The following QPCT variants were observed in gnomAD, a reference collection of about 807,000 sequenced individuals.
QPCT encodes the protein glutaminyl-peptide cyclotransferase, also known as EC.
A neutral mutation model predicts 43.4 loss-of-function variants in QPCT; 44 were observed. The observed-to-expected ratio is 1.01, with a 90% CI of 0.80 to 1.30. The LOEUF (loss-of-function observed/expected upper bound fraction) is 1.30, where lower values mean the gene tolerates loss of function less well. Among genes scored for constraint, QPCT ranks in the 50% most tolerant of loss-of-function variants. QPCT has a pLI of 0.00. For missense variants in QPCT, 526 were observed against 436.5 expected (o/e 1.21, Z -1.83); for synonymous variants, 168 against 168.4 (o/e 1.00, Z 0.02).
At chr2:37,370,329 T>C (rs2124943315) in intron 5 of QPCT, among the ~76,000 whole-genome samples, 1 of 152,324 alleles carries the variant, frequency 6.6e-6, no homozygotes, top group African/African-American at 2.4e-5. Context: ...TGAAACTATA[T>C]TTTGAAATGG....
At chr2:37,356,993 G>A in intron 2 of QPCT, among the ~76,000 whole-genome samples, 1 of 145,430 alleles carries the variant, frequency 6.9e-6, no homozygotes. Flanking sequence ...GCGACAGAGT[G>A]AGACTCCGTC....
rs143930616 is a variant in QPCT, at chr2:37,362,518, T to C, written c.546+2660T>C. Among the ~76,000 whole-genome samples the C allele has an allele frequency of 2.8e-4, 42 of 152,342 alleles. 1 individual carries two copies. Among genetic ancestry groups the C allele is most frequent in the Admixed American group, 2.7e-3 (42 of 15,298 alleles). On this transcript the variant is annotated intron_variant, in intron 3 of 6. Transcript: ENST00000338415. ...ATAATTAAGGAGCAATATGAAATGATTAGCGTACAAAATTAAGTTAGTTTT... is the reference window on the plus strand; with the variant it reads ...ATAATTAAGGAGCAATATGAAATGACTAGCGTACAAAATTAAGTTAGTTTT...
Position 37,347,153 on chromosome 2 carries a change from T to TATATATATATATATATATATC in QPCT, c.120+2313_120+2314insTATATATATCATATATATATA, listed in dbSNP as rs1411776943. On this transcript the variant is annotated intron_variant, in intron 1 of 6. Transcript: ENST00000338415. ...CTGGGTATGGGGTGTTTTATATATA[T>TATATATATATATATATATATC]ATATATATATAACATATATATATAT... Among the ~76,000 whole-genome samples the TATATATATATATATATATATC allele has an allele frequency of 2.7e-3, 155 of 57,098 alleles. 22 individuals carry two copies. Among genetic ancestry groups the TATATATATATATATATATATC allele is most frequent in the African/African-American group, 0.012 (127 of 10,994 alleles). 37.5% of individuals were successfully genotyped at this position (57,098 alleles called of 152,430 possible).
chr2:37,345,343 GTGT>G (rs1672462046), intron 1 of QPCT, among the ~76,000 whole-genome samples: 2 of 152,334 alleles, frequency 1.3e-5, no homozygotes, highest in South Asian at 2.1e-4. Flanking sequence ...GGACGGATGT[GTGT>G]TGTTTGTTTT....
At chr2:37,357,027 C>T (rs1267246699) in intron 2 of QPCT, among the ~76,000 whole-genome samples, 1 of 150,326 alleles carries the variant, frequency 6.7e-6, no homozygotes, top group East Asian at 1.9e-4. Context: ...AAAAAAGTTG[C>T]TTCAGGAAAA....
chr2:37,367,648 G>A (rs567289235), intron 4 of QPCT, among the ~76,000 whole-genome samples: 6 of 152,226 alleles, frequency 3.9e-5, no homozygotes, highest in African/African-American at 1.4e-4. Flanking sequence ...GAGGTGGGAG[G>A]ATCACTTGAG....
intron 3 of QPCT, among the ~76,000 whole-genome samples, chr2:37,362,070 A>G (rs1558604902): frequency 1.3e-5 from 2 of 152,258 alleles, no homozygotes; most frequent in African/African-American, 4.8e-5. Flanking sequence ...ATGAATGGAT[A>G]TTAGGCGAAC....
In QPCT at chr2:37,372,353, C is replaced by A; in HGVS notation, c.824-3C>A. On this transcript the variant is annotated splice_polypyrimidine_tract_variant and splice_region_variant and intron_variant, in intron 5 of 6. Coordinates refer to ENST00000338415, the MANE Select transcript of QPCT (RefSeq NM_012413.4). ...TCATTTACTGTATAATTGTCATCTA[C>A]AGAACATGAACTTCATGAATTGGGT... is the stretch of plus-strand genomic sequence containing the variant. 1 of 1,595,940 alleles carries A rather than the reference C, an allele frequency of 6.3e-7. No individual in the cohort carries two copies. The highest frequency in any genetic ancestry group is 8.6e-7 in the Non-Finnish European group (1 of 1,163,514).
intron 1 of QPCT, among the ~76,000 whole-genome samples, chr2:37,350,686 T>G (rs756611144): frequency 1.3e-5 from 2 of 152,236 alleles, no homozygotes; most frequent in Non-Finnish European, 2.9e-5. Flanking sequence ...TCAGCTGGTT[T>G]CTATGAATCT....
chr2:37,356,516 C>T (rs566579631), intron 2 of QPCT, among the ~76,000 whole-genome samples: 23 of 152,152 alleles, frequency 1.5e-4, no homozygotes, highest in African/African-American at 3.9e-4. Context: ...TCCCTGCTTA[C>T]GGGTATTTGA....
chr2:37,369,447 A>G (rs554428946), intron 4 of QPCT, among the ~76,000 whole-genome samples: 1 of 152,320 alleles, frequency 6.6e-6, no homozygotes, highest in Admixed American at 6.5e-5. Flanking sequence ...ATCCTTTTGG[A>G]GTTACATACA....
At chr2:37,367,636 T>C (rs1572737581) in intron 4 of QPCT, among the ~76,000 whole-genome samples, 1 of 151,872 alleles carries the variant, frequency 6.6e-6, no homozygotes, top group African/African-American at 2.4e-5. Flanking sequence ...TTTTGGGAGG[T>C]TGAGGTGGGA....
rs3815555 is a variant in QPCT, at chr2:37,359,897, C to A, written c.546+39C>A. ...GCTTATTGATTCCTAGGATAAAGTA[C>A]ATTAACAGTAACTCAGAGTGAATTC... On this transcript the variant is annotated intron_variant, in intron 3 of 6. Coordinates refer to ENST00000338415, the MANE Select transcript of QPCT (RefSeq NM_012413.4). 0.035 allele frequency: 55,356 copies of A among 1,581,536 alleles called. 6,247 individuals are homozygous for A. Among genetic ancestry groups the A allele is most frequent in the East Asian group, 0.34 (15,149 of 44,544 alleles).
chr2:37,345,253 C>G (rs1348444137), intron 1 of QPCT, among the ~76,000 whole-genome samples: 1 of 152,182 alleles, frequency 6.6e-6, no homozygotes, highest in Non-Finnish European at 1.5e-5. Context: ...GTGCGGGGTG[C>G]GCCTGGGGGT....
Position 37,352,747 on chromosome 2 carries a change from T to C in QPCT, c.121-42T>C, listed in dbSNP as rs755669481. The C allele has an allele frequency of 8.1e-6, 13 of 1,602,336 alleles. No individual in the cohort carries two copies. In the South Asian group the frequency reaches 1.2e-4, roughly 15 times the overall value. ...AAACATGTCAGAGTCTTAAACATGT[T>C]ATGAAAGGATAGCTAGTTAAATGAT... On this transcript the variant is annotated intron_variant, in intron 1 of 6. Transcript: ENST00000338415.
At chr2:37,350,067 T>C (rs1400884844) in intron 1 of QPCT, among the ~76,000 whole-genome samples, 1 of 151,978 alleles carries the variant, frequency 6.6e-6, no homozygotes, top group African/African-American at 2.4e-5. Flanking sequence ...ATTAAACAAG[T>C]AAACACACAA....
intron 2 of QPCT, among the ~76,000 whole-genome samples, chr2:37,356,516 C>A (rs566579631): frequency 6.6e-6 from 1 of 152,152 alleles, no homozygotes; most frequent in African/African-American, 2.4e-5. Flanking sequence ...TCCCTGCTTA[C>A]GGGTATTTGA....
intron 3 of QPCT, among the ~76,000 whole-genome samples, chr2:37,361,868 G>A (rs2124938925): frequency 6.6e-6 from 1 of 152,306 alleles, no homozygotes; most frequent in South Asian, 2.1e-4. Context: ...CTGGTAATTA[G>A]GCATTTGTAG....
chr2:37,372,926 C>T lies in QPCT; in HGVS notation c.*99C>T. On this transcript the variant is annotated 3_prime_UTR_variant, in exon 7 of 7. Transcript: ENST00000338415. ...ATTTCAGACAAATGCTGTGTGGAAA[C>T]ATCTATCCTATAGATCATCCTATTC... 1 of 1,053,726 alleles carries T rather than the reference C, an allele frequency of 9.5e-7. No individual in the cohort carries two copies. Among genetic ancestry groups the T allele is most frequent in the Middle Eastern group, 2.4e-4 (1 of 4,110 alleles). 65.3% of individuals were successfully genotyped at this position (1,053,726 alleles called of 1,614,324 possible). A position where few individuals can be genotyped will look rare whatever the true frequency, so the allele number is the denominator to read the frequency against.
Sources: allele counts gnomAD v4.1 joint callset (sites outside exome capture counted in the v4.1 genomes callset), GRCh38; gene constraint gnomAD v4.1.1; transcripts MANE v1.5; gene names NCBI Gene and HGNC (gene_info 2026-07-23, HGNC 2026-07-21).